MON2: variants seen among roughly 807,000 people sequenced by gnomAD.
MON2 encodes protein MON2 homolog.
MON2 carries 84 observed loss-of-function variants against 208.6 expected under a neutral mutation model. The observed-to-expected ratio is 0.40, with a 90% CI of 0.34 to 0.48. The LOEUF (loss-of-function observed/expected upper bound fraction) is 0.48. Ranked by LOEUF, MON2 falls within the 20% of genes least tolerant of loss-of-function variation. MON2 has a pLI of 0.59. For synonymous variants in MON2, 660 were observed against 694.0 expected, an observed-to-expected ratio of 0.95 and a Z score of 0.77; for missense variants, 1,611 against 2,015.4, an observed-to-expected ratio of 0.80 and a Z score of 3.84.
At chr12:62,534,964 A>G in intron 13 of MON2, 38 bp downstream of exon 13, 2 of 1,262,576 alleles carry the variant, frequency 1.6e-6, no homozygotes, top group Non-Finnish European at 2.1e-6. Context: ...GAACTGTGTC[A>G]GTTAAAAAAA....
intron 33 of MON2, among the ~76,000 whole-genome samples, chr12:62,586,885 T>A (rs1298507247): frequency 6.6e-6 from 1 of 152,208 alleles, no homozygotes; most frequent in Non-Finnish European, 1.5e-5. Context: ...TTGAGCCTTA[T>A]TTATAATTGT....
rs758029429 is a variant in MON2 at position 62,538,351 on chromosome 12, A to G, written c.2273+26A>G. 6 of 1,595,558 alleles carry G rather than the reference A, an allele frequency of 3.8e-6. No homozygotes were observed. In the African/African-American group the frequency reaches 8.1e-5, roughly 21 times the overall value. On this transcript the variant is annotated intron_variant, in intron 18 of 34. Transcript: ENST00000393630. Reference sequence around the variant, plus strand: ...GTAAGAGTCAGTTTTTTTAATTGATAAAAACATTGTTATTTGTTATATATT... The same window carrying G: ...GTAAGAGTCAGTTTTTTTAATTGATGAAAACATTGTTATTTGTTATATATT...
At chr12:62,516,704 C>CTAAATAAA (rs972010593) in intron 8 of MON2, among the ~76,000 whole-genome samples, 1 of 151,758 alleles carries the variant, frequency 6.6e-6, no homozygotes, top group Non-Finnish European at 1.5e-5. Context: ...AACTCCATCT[C>CTAAATAAA]TAAATAAATA....
At chr12:62,495,238 C>T (rs954345824) in intron 4 of MON2, 91 bp downstream of exon 4, 1 of 1,139,626 alleles carries the variant, frequency 8.8e-7, no homozygotes, top group South Asian at 1.8e-5. Flanking sequence ...CCATTTGAAC[C>T]AAAAGCAACT....
chr12:62,541,264 C>T lies in MON2; in HGVS notation c.2365-1833C>T, dbSNP rs2073223535. On this transcript the variant is annotated intron_variant, in intron 19 of 34. Coordinates refer to ENST00000393630, the MANE Select transcript of MON2 (RefSeq NM_015026.3). ...GGCATGGTGGTGCACACCTATAATC[C>T]CAGCTGTTCTCATGGCTGAGACATA... Among the ~76,000 whole-genome samples the T allele has an allele frequency of 2.6e-5, 4 of 151,950 alleles. No individual in the cohort carries two copies. The South Asian group carries it at 6.2e-4, about 24-fold the overall frequency.
intron 8 of MON2, among the ~76,000 whole-genome samples, chr12:62,509,523 A>T (rs941795641): frequency 2.6e-5 from 4 of 152,220 alleles, no homozygotes; most frequent in African/African-American, 9.7e-5. Flanking sequence ...AAAGGACTCG[A>T]ACAACACTGT....
At chr12:62,479,431 T>TA (rs2069271782) in intron 1 of MON2, among the ~76,000 whole-genome samples, 1 of 117,142 alleles carries the variant, frequency 8.5e-6, no homozygotes, top group Non-Finnish European at 1.7e-5. Context: ...TGTGTGTATA[T>TA]CCCCCCCCCC....
chr12:62,494,575 A>G (rs1352053818), intron 3 of MON2, among the ~76,000 whole-genome samples: 1 of 152,200 alleles, frequency 6.6e-6, no homozygotes, highest in Non-Finnish European at 1.5e-5. Flanking sequence ...ATCTTAAACA[A>G]TGTCAGATTT....
At chr12:62,544,808 C>A in intron 20 of MON2, 90 bp from the exon 21 acceptor site, 2 of 1,550,724 alleles carry the variant, frequency 1.3e-6, no homozygotes, top group Non-Finnish European at 1.7e-6. Context: ...TTTCTTCCAA[C>A]CCTTATTGAA....
Position 62,549,736 on chromosome 12 carries a change from C to G in MON2, c.2822C>G (p.Pro941Arg). Residue 941 changes from proline (P) to arginine (R), a missense_variant, in exon 23 of 35, where the codon CCT becomes CGT. Pro to Arg is a moderately radical substitution (Grantham distance 103). Coordinates refer to ENST00000393630, the MANE Select transcript of MON2 (RefSeq NM_015026.3). Reference sequence around the variant, plus strand: ...GTGACAGATTTTCTACCAACAATGCCTTGTACTTGCCTGCAAATAGTTGTA... The same window carrying G: ...GTGACAGATTTTCTACCAACAATGCGTTGTACTTGCCTGCAAATAGTTGTA... Reference protein sequence around the residue: ...LVVTDFLPTMPCTCLQIVVDV... With the variant: ...LVVTDFLPTMRCTCLQIVVDV... 1 of 1,613,084 alleles carries G rather than the reference C, an allele frequency of 6.2e-7. No individual in the cohort carries two copies. The highest frequency in any genetic ancestry group is 1.1e-5 in the South Asian group (1 of 90,862).
At chr12:62,551,488 G>A (rs1343838111) in intron 23 of MON2, among the ~76,000 whole-genome samples, 1 of 152,010 alleles carries the variant, frequency 6.6e-6, no homozygotes, top group Non-Finnish European at 1.5e-5. Context: ...CAAAGATCAC[G>A]GATCATAGAT....
intron 15 of MON2, 56 bp from the exon 16 acceptor site, chr12:62,537,546 T>A (rs1039988985): frequency 1.5e-6 from 2 of 1,335,320 alleles, no homozygotes; most frequent in African/African-American, 3.0e-5. Flanking sequence ...TTTATAAGCT[T>A]TTAATTTTTA....
rs1008825449 is a variant in MON2 at position 62,597,126 on chromosome 12, G to A, written c.*4377G>A. ...GTGTGGAGTTGATTTTAATGACAGGGTAATTCAAGTTGTTTGATAAATTTA... is the reference window on the plus strand; with the variant it reads ...GTGTGGAGTTGATTTTAATGACAGGATAATTCAAGTTGTTTGATAAATTTA... On this transcript the variant is annotated 3_prime_UTR_variant, in exon 35 of 35. Coordinates refer to ENST00000393630, the MANE Select transcript of MON2 (RefSeq NM_015026.3). 1 of 152,116 alleles carries A rather than the reference G, an allele frequency of 6.6e-6. No individual in the cohort carries two copies. Among genetic ancestry groups the A allele is most frequent in the Non-Finnish European group, 1.5e-5 (1 of 68,006 alleles). 9.4% of individuals were successfully genotyped at this position (152,116 alleles called of 1,614,324 possible).
rs546484969 is a variant in MON2, at chr12:62,533,729, A to G, written c.1633+1059A>G. On this transcript the variant is annotated intron_variant, in intron 12 of 34. Transcript: ENST00000393630. Reference sequence around the variant, plus strand: ...GTATTGAAACGAACACAGGTATACTAGGTATGCTTTTCACCACTTGGATAG... The same window carrying G: ...GTATTGAAACGAACACAGGTATACTGGGTATGCTTTTCACCACTTGGATAG... Among the ~76,000 whole-genome samples the G allele has an allele frequency of 8.7e-4, 132 of 152,286 alleles. No individual in the cohort carries two copies. The Middle Eastern group carries it at 0.014, about 16-fold the overall frequency.
intron 30 of MON2, among the ~76,000 whole-genome samples, chr12:62,572,954 T>TTCTAATATGG (rs2074649452): frequency 6.6e-6 from 1 of 152,208 alleles, no homozygotes; most frequent in Admixed American, 6.5e-5. Flanking sequence ...TTCTTTACTA[T>TTCTAATATGG]TCTAATATGG....
chr12:62,569,644 G>GGA (rs2074512445), intron 29 of MON2, among the ~76,000 whole-genome samples: 1 of 152,036 alleles, frequency 6.6e-6, no homozygotes, highest in Non-Finnish European at 1.5e-5. Context: ...ATCAACTTTG[G>GGA]TCCCATACCC....
At chr12:62,584,042 G>T (rs978512761) in intron 32 of MON2, among the ~76,000 whole-genome samples, 5 of 151,558 alleles carry the variant, frequency 3.3e-5, no homozygotes, top group African/African-American at 9.7e-5. Context: ...TTGAAGCAGT[G>T]GTTTTAGAGT....
chr12:62,505,466 A>G (rs1310370904), intron 7 of MON2, among the ~76,000 whole-genome samples: 1 of 152,192 alleles, frequency 6.6e-6, no homozygotes, highest in Non-Finnish European at 1.5e-5. Context: ...AGATGAGCAT[A>G]TACAAGAGAC....
intron 31 of MON2, among the ~76,000 whole-genome samples, chr12:62,578,789 G>T (rs566248452): frequency 2.8e-4 from 42 of 152,152 alleles, no homozygotes; most frequent in Non-Finnish European, 4.0e-4. Flanking sequence ...AAATCCATCA[G>T]TCAGGAGGCA....
Sources: allele counts gnomAD v4.1 joint callset (sites outside exome capture counted in the v4.1 genomes callset), GRCh38; gene constraint gnomAD v4.1.1; transcripts MANE v1.5; gene names NCBI Gene and HGNC (gene_info 2026-07-23, HGNC 2026-07-21).